The following ATXN10 variants were observed in gnomAD, a reference collection of about 807,000 sequenced individuals.
ATXN10 encodes ataxin 10.
Under a neutral mutation model 52.9 loss-of-function variants are expected in ATXN10, and 28 were observed. That is an observed-to-expected ratio of 0.53 (90% CI 0.39 to 0.73). The LOEUF (loss-of-function observed/expected upper bound fraction) is 0.73, where lower values mean the gene tolerates loss of function less well. Among genes scored for constraint, ATXN10 ranks in the 30% least tolerant of loss-of-function variants. ATXN10 has a pLI of 0.00. For missense variants in ATXN10, 565 were observed against 577.0 expected, an observed-to-expected ratio of 0.98 and a Z score of 0.21; for synonymous variants, 226 against 221.5, an observed-to-expected ratio of 1.02 and a Z score of -0.18.
chr22:45,680,617 C>T lies in ATXN10; in HGVS notation c.116+8438C>T, dbSNP rs552430807. Among the ~76,000 whole-genome samples the T allele has an allele frequency of 1.8e-4, 28 of 151,700 alleles. No individual in the cohort carries two copies. The South Asian group carries it at 3.3e-3, about 18-fold the overall frequency. On this transcript the variant is annotated intron_variant, in intron 1 of 11. Transcript: ENST00000252934. ...GTGCCATCACAGCGCCACCATGCCCCGCTAATTAAAAATTTTTTTTTTTTT... is the reference window on the plus strand; with the variant it reads ...GTGCCATCACAGCGCCACCATGCCCTGCTAATTAAAAATTTTTTTTTTTTT...
At position 45,684,494 on chromosome 22, in the gene ATXN10, G is replaced by A. The variant is rs1923057330; in HGVS notation, c.117-5218G>A. Among the ~76,000 whole-genome samples, 1 of 152,086 alleles carries A rather than the reference G, an allele frequency of 6.6e-6. No homozygotes were observed. The highest frequency in any genetic ancestry group is 1.5e-5 in the Non-Finnish European group (1 of 68,032). ...TACGTTTCTAAATGGTTGGGGAGAT[G>A]ATAAAGTTTCATGACACATGAAAAT... On this transcript the variant is annotated intron_variant, in intron 1 of 11. Transcript: ENST00000252934. The surrounding 1 kb of genome is among the most constrained non-coding windows in gnomAD (Gnocchi z 4.1).
At chr22:45,832,912 A>G (rs915392253) in intron 10 of ATXN10, among the ~76,000 whole-genome samples, 6 of 152,246 alleles carry the variant, frequency 3.9e-5, no homozygotes, top group Admixed American at 1.3e-4. Context: ...TGTCACCAGC[A>G]TGACCACTTG....
intron 10 of ATXN10, among the ~76,000 whole-genome samples, chr22:45,830,707 A>C (rs1272414114): frequency 1.3e-5 from 2 of 152,074 alleles, no homozygotes; most frequent in East Asian, 3.9e-4. Context: ...AAAAAAAAAA[A>C]ACAAGTCTTG....
Position 45,786,479 on chromosome 22 carries a change from G to A in ATXN10, c.1174-20480G>A, listed in dbSNP as rs1168096724. ...GTGCAGTGGTGCAGTCCTTGTGTGC[G>A]AAGCTGGGCGCCAGTGCAGCCCGCA... On this transcript the variant is annotated intron_variant, in intron 9 of 11. Transcript: ENST00000252934. The surrounding 1 kb of genome is among the most constrained non-coding windows in gnomAD (Gnocchi z 4.1). 6.6e-6 allele frequency among the ~76,000 whole-genome samples: 1 copy of A among 152,200 alleles called. No individual in the cohort carries two copies. Among genetic ancestry groups the A allele is most frequent in the Non-Finnish European group, 1.5e-5 (1 of 68,020 alleles).
At chr22:45,742,622 T>C (rs1925580004) in intron 9 of ATXN10, among the ~76,000 whole-genome samples, 1 of 152,026 alleles carries the variant, frequency 6.6e-6, no homozygotes, top group Admixed American at 6.5e-5. Context: ...AGAAATCATC[T>C]AGTCTGAAAA....
At chr22:45,771,533 C>T (rs1212716880) in intron 9 of ATXN10, among the ~76,000 whole-genome samples, 2 of 151,354 alleles carry the variant, frequency 1.3e-5, no homozygotes, top group Admixed American at 1.3e-4. Context: ...TTTCCTGCCT[C>T]AGCCTCCCGA....
intron 5 of ATXN10, among the ~76,000 whole-genome samples, chr22:45,703,547 A>G (rs1168053121): frequency 1.3e-5 from 2 of 152,250 alleles, no homozygotes; most frequent in South Asian, 2.1e-4. Context: ...AGGCGCACAC[A>G]CAGTCCAAGG....
At position 45,786,434 on chromosome 22, in the gene ATXN10, C is replaced by T. The variant is rs557889993; in HGVS notation, c.1174-20525C>T. 1.9e-3 allele frequency among the ~76,000 whole-genome samples: 289 copies of T among 152,274 alleles called. 3 individuals are homozygous for T. The highest frequency in any genetic ancestry group is 6.4e-3 in the African/African-American group (265 of 41,552). ...GACATTCTCGGCCTCACTGTGTTCC[C>T]GTGTGGCCACTGAGGCCCCGTGCAG... On this transcript the variant is annotated intron_variant, in intron 9 of 11. Transcript: ENST00000252934. This position sits in a 1 kb window ranked among gnomAD's most constrained non-coding sequence, Gnocchi z 4.1.
chr22:45,822,171 T>C (rs1928671005), intron 10 of ATXN10, among the ~76,000 whole-genome samples: 1 of 152,246 alleles, frequency 6.6e-6, no homozygotes, highest in East Asian at 1.9e-4. Flanking sequence ...TAGCATTTCA[T>C]TGCAAGAAAT....
At position 45,718,430 on chromosome 22, in the gene ATXN10, A is replaced by G. The variant is rs1212109244; in HGVS notation, c.665A>G (p.Asp222Gly). Reference protein sequence around the residue: ...ESEWPFLIITDLFLKSPELVQ... With the variant: ...ESEWPFLIITGLFLKSPELVQ... The stretch of plus-strand genomic sequence containing the variant: ...TTCCCTAGGTTCTTGATTATTACAG[A>G]CCTCTTTCTGAAAAGCCCGGAATTG... Residue 222 changes from aspartate to glycine, a missense_variant, in exon 6 of 12, where the codon GAC becomes GGC. Coordinates refer to ENST00000252934, the MANE Select transcript of ATXN10 (RefSeq NM_013236.4). This position sits in a 1 kb window ranked among gnomAD's most constrained non-coding sequence, Gnocchi z 4.4. 1.2e-6 allele frequency: 2 copies of G among 1,613,536 alleles called. No individual in the cohort carries two copies. Among genetic ancestry groups the G allele is most frequent in the South Asian group, 2.2e-5 (2 of 91,070 alleles).
intron 1 of ATXN10, among the ~76,000 whole-genome samples, chr22:45,687,075 G>A (rs928231757): frequency 8.5e-5 from 13 of 152,048 alleles, no homozygotes; most frequent in Non-Finnish European, 1.6e-4. Flanking sequence ...CTCTTTAGTC[G>A]CTATTAATAG....
intron 10 of ATXN10, among the ~76,000 whole-genome samples, chr22:45,838,581 C>T (rs1929243028): frequency 6.6e-6 from 1 of 152,160 alleles, no homozygotes; most frequent in African/African-American, 2.4e-5. Flanking sequence ...TTAATTTTCT[C>T]CCCTACTCTT....
intron 5 of ATXN10, among the ~76,000 whole-genome samples, chr22:45,707,660 A>C (rs534215313): frequency 1.3e-5 from 2 of 149,580 alleles, no homozygotes; most frequent in South Asian, 4.1e-4. Context: ...GATATAATAT[A>C]ATATAATATA....
rs1171531439 is a variant in ATXN10, at chr22:45,783,269, G to A, written c.1174-23690G>A. On this transcript the variant is annotated intron_variant, in intron 9 of 11. Coordinates refer to ENST00000252934, the MANE Select transcript of ATXN10 (RefSeq NM_013236.4). The surrounding 1 kb of genome is among the most constrained non-coding windows in gnomAD (Gnocchi z 5.0). The stretch of plus-strand genomic sequence containing the variant: ...GGACAAGGGAGGATTCAAGCCCTGG[G>A]AGGGATGGTGAGAGATTTTCTCATG... Among the ~76,000 whole-genome samples, 2 of 152,184 alleles carry A rather than the reference G, an allele frequency of 1.3e-5. No homozygotes were observed. Among genetic ancestry groups the A allele is most frequent in the African/African-American group, 4.8e-5 (2 of 41,442 alleles).
chr22:45,699,479 C>A (rs139795115), intron 3 of ATXN10, among the ~76,000 whole-genome samples: 10 of 111,316 alleles, frequency 9.0e-5, no homozygotes, highest in Non-Finnish European at 2.0e-5. Context: ...TTTTTTTTTT[C>A]TTTTTCTTTC....
rs1385089980 is a variant in ATXN10 at position 45,790,604 on chromosome 22, T to C, written c.1174-16355T>C. ...TCTGACAGTTGGGGGGCTACACATT[T>C]GGGAGCAATCTCCTCAGTAATTTCT... On this transcript the variant is annotated intron_variant, in intron 9 of 11. Coordinates refer to ENST00000252934, the MANE Select transcript of ATXN10 (RefSeq NM_013236.4). The surrounding 1 kb of genome is among the most constrained non-coding windows in gnomAD (Gnocchi z 4.7). Among the ~76,000 whole-genome samples, 2 of 152,194 alleles carry C rather than the reference T, an allele frequency of 1.3e-5. No homozygotes were observed. The highest frequency in any genetic ancestry group is 3.8e-4 in the East Asian group (2 of 5,202).
intron 9 of ATXN10, among the ~76,000 whole-genome samples, chr22:45,752,760 C>G (rs554554668): frequency 6.7e-6 from 1 of 150,114 alleles, no homozygotes; most frequent in East Asian, 2.0e-4. Context: ...TTTTTTGAGA[C>G]GGAGTTTTGC....
chr22:45,671,971 C>A lies in ATXN10; in HGVS notation c.-93C>A. 1 of 1,409,230 alleles carries A rather than the reference C, an allele frequency of 7.1e-7. No individual in the cohort carries two copies. The highest frequency in any genetic ancestry group is 9.6e-7 in the Non-Finnish European group (1 of 1,042,370). 87.3% of individuals were successfully genotyped at this position (1,409,230 alleles called of 1,614,324 possible). ...AGGGCGAGGCCTCCCCCTTCCTCCT[C>A]GCCATCCTACTCCTCCCTCCTCGTC... is the stretch of plus-strand genomic sequence containing the variant. On this transcript the variant is annotated 5_prime_UTR_variant, in exon 1 of 12. Transcript: ENST00000252934.
chr22:45,676,678 C>T (rs1922705926), intron 1 of ATXN10: 1 of 151,960 alleles, frequency 6.6e-6, no homozygotes, highest in African/African-American at 2.4e-5. Flanking sequence ...GGGGTTTCTC[C>T]ACGTTGGTCA....
Sources: allele counts gnomAD v4.1 joint callset (sites outside exome capture counted in the v4.1 genomes callset), GRCh38; gene constraint gnomAD v4.1.1; non-coding constraint Gnocchi (gnomAD v3.1); transcripts MANE v1.5; gene names NCBI Gene and HGNC (gene_info 2026-07-23, HGNC 2026-07-21).